The following WDR49 variants were observed in gnomAD, a reference collection of about 807,000 sequenced individuals.
WDR49 encodes WD repeat domain 49, also known as cilia- and flagella-associated protein 337.
In WDR49, 107 loss-of-function variants were observed where a neutral mutation model predicts 119.5. The ratio of observed to expected loss-of-function variants is 0.90; its 90% CI spans 0.77 to 1.05. The LOEUF is 1.05. WDR49 is among the 50% of genes least tolerant of loss of function. The pLI is 0.00. For synonymous variants in WDR49, 425 were observed against 418.8 expected (o/e 1.01, Z -0.18); for missense variants, 1,240 against 1,220.5 (o/e 1.02, Z -0.24).
chr3:167,653,728 G>A (rs1474729317), intron 1 of WDR49, 106 bp downstream of exon 1: 1 of 207,116 alleles, frequency 4.8e-6, no homozygotes, highest in Admixed American at 5.5e-5. Flanking sequence ...GATTAAAAAT[G>A]TGTAAAGCTT....
At chr3:167,503,423 G>T (rs544770183) in intron 17 of WDR49, among the ~76,000 whole-genome samples, 1 of 152,364 alleles carries the variant, frequency 6.6e-6, no homozygotes, top group East Asian at 1.9e-4. Context: ...ATGGTGGTAA[G>T]CCTCTTGTTG....
chr3:167,550,050 T>A (rs1210616760), intron 10 of WDR49, among the ~76,000 whole-genome samples: 1 of 152,046 alleles, frequency 6.6e-6, no homozygotes, highest in African/African-American at 2.4e-5. Context: ...CCCATTGGTC[T>A]ATATCTCTGT....
intron 17 of WDR49, 126 bp downstream of exon 17, chr3:167,505,181 C>A: frequency 8.4e-7 from 1 of 1,196,556 alleles, no homozygotes; most frequent in South Asian, 2.8e-5. Context: ...AAATGGGGTT[C>A]ACAGAACATT....
At chr3:167,554,572 T>G (rs189145248) in intron 10 of WDR49, 78 bp downstream of exon 10, 387 of 877,212 alleles carry the variant, frequency 4.4e-4, no homozygotes, top group Middle Eastern at 2.4e-3. Flanking sequence ...CAAGTTTTAA[T>G]GACACAGAGT....
chr3:167,642,835 T>C (rs1403143584), intron 2 of WDR49, among the ~76,000 whole-genome samples: 1 of 151,740 alleles, frequency 6.6e-6, no homozygotes, highest in Non-Finnish European at 1.5e-5. Context: ...CTTGAAGGGG[T>C]CTCACACTAG....
In WDR49 at chr3:167,556,993, C is replaced by G. The variant is rs192437398; in HGVS notation, c.1675-2195G>C. Among the ~76,000 whole-genome samples, 17 of 152,222 alleles carry G rather than the reference C, an allele frequency of 1.1e-4. No homozygotes were observed. The East Asian group carries it at 3.1e-3, about 28-fold the overall frequency. ...TGAGCTGAGATCATGCCACTGCACTCTAGCCTGAGTGACAGAGTGAGACTC... is the reference window on the plus strand; with the variant it reads ...TGAGCTGAGATCATGCCACTGCACTGTAGCCTGAGTGACAGAGTGAGACTC... On this transcript the variant is annotated intron_variant, in intron 9 of 18. Coordinates refer to ENST00000682715, the MANE Select transcript of WDR49 (RefSeq NM_001366157.1).
intron 7 of WDR49, among the ~76,000 whole-genome samples, chr3:167,578,133 A>G (rs967219147): frequency 1.3e-5 from 2 of 152,166 alleles, no homozygotes; most frequent in Non-Finnish European, 2.9e-5. Context: ...AATGATCCCA[A>G]TTCTTTCAAC....
At chr3:167,594,552 G>C (rs1405783823) in intron 7 of WDR49, among the ~76,000 whole-genome samples, 1 of 152,146 alleles carries the variant, frequency 6.6e-6, no homozygotes, top group South Asian at 2.1e-4. Flanking sequence ...ATTCCAAAGA[G>C]ATAGTCTGAA....
At chr3:167,498,432 G>A (rs994878538) in intron 18 of WDR49, among the ~76,000 whole-genome samples, 5 of 152,134 alleles carry the variant, frequency 3.3e-5, no homozygotes, top group Admixed American at 1.3e-4. Context: ...AGAGGGAAAT[G>A]GCAAATGGCA....
At chr3:167,481,463 G>C (rs956026881) in intron 18 of WDR49, among the ~76,000 whole-genome samples, 1 of 151,542 alleles carries the variant, frequency 6.6e-6, no homozygotes, top group East Asian at 1.9e-4. Context: ...CTAGAATATA[G>C]AAATGAGAAA....
chr3:167,512,872 T>A (rs1253155964), intron 16 of WDR49, among the ~76,000 whole-genome samples: 1 of 152,152 alleles, frequency 6.6e-6, no homozygotes, highest in Non-Finnish European at 1.5e-5. Flanking sequence ...TTGATGACTA[T>A]CTTGCTGAAA....
intron 8 of WDR49, among the ~76,000 whole-genome samples, chr3:167,571,264 C>T (rs1713922287): frequency 6.6e-6 from 1 of 152,070 alleles, no homozygotes; most frequent in African/African-American, 2.4e-5. Context: ...TGAAAAACCC[C>T]ACAGAGAATC....
At chr3:167,657,146 G>A (rs1718624179), upstream of WDR49, among the ~76,000 whole-genome samples, 1 of 151,878 alleles carries the variant, frequency 6.6e-6, no homozygotes, top group Non-Finnish European at 1.5e-5. Flanking sequence ...TATTATTTAA[G>A]GACTACTTTT....
chr3:167,566,658 A>C (rs1374858275), intron 8 of WDR49, among the ~76,000 whole-genome samples: 1 of 152,176 alleles, frequency 6.6e-6, no homozygotes, highest in Non-Finnish European at 1.5e-5. Flanking sequence ...TCCCAAAAAA[A>C]CTTAAGTACT....
At position 167,528,528 on chromosome 3, in the gene WDR49, T is replaced by TAAATAAAATA. The variant is rs10675052; in HGVS notation, c.2406+514_2407-512dup. Among the ~76,000 whole-genome samples, 1,462 of 148,028 alleles carry TAAATAAAATA rather than the reference T, an allele frequency of 9.9e-3. 20 individuals carry two copies. Among genetic ancestry groups the TAAATAAAATA allele is most frequent in the East Asian group, 0.035 (175 of 5,026 alleles). On this transcript the variant is annotated intron_variant, in intron 14 of 18. Coordinates refer to ENST00000682715, the MANE Select transcript of WDR49 (RefSeq NM_001366157.1). ...GACCCTGTCTCTACAAAAAGTAAAA[T>TAAATAAAATA]AAATAAAATAAAATAAAATAAAATA... is the stretch of plus-strand genomic sequence containing the variant.
intron 16 of WDR49, among the ~76,000 whole-genome samples, chr3:167,515,794 T>C (rs539594320): frequency 2.0e-5 from 3 of 152,138 alleles, no homozygotes; most frequent in Admixed American, 1.3e-4. Context: ...AGACTCAGGA[T>C]ACAAAAACAA....
At chr3:167,562,317 CAACT>C (rs796500197) in intron 8 of WDR49, among the ~76,000 whole-genome samples, 4 of 152,214 alleles carry the variant, frequency 2.6e-5, no homozygotes, top group African/African-American at 9.6e-5. Context: ...AAGAGATTCT[CAACT>C]AACAAAATAG....
intron 16 of WDR49, among the ~76,000 whole-genome samples, chr3:167,521,995 TAGATAGATAGATAGATAGATAGA>T (rs1752460632): frequency 6.9e-6 from 1 of 144,688 alleles, no homozygotes; most frequent in African/African-American, 2.5e-5. Flanking sequence ...GATAGATAGA[TAGATAGATAGATAGATAGATAGA>T]TTGTTTTTGA....
chr3:167,490,367 G>A (rs1751088620), intron 18 of WDR49, among the ~76,000 whole-genome samples: 1 of 152,088 alleles, frequency 6.6e-6, no homozygotes, highest in Non-Finnish European at 1.5e-5. Flanking sequence ...AGAGCAATAG[G>A]AAGGATTTCT....
Sources: gnomAD v4.1 joint callset for allele counts (sites outside exome capture counted in the v4.1 genomes callset) on GRCh38, gnomAD v4.1.1 for gene constraint, MANE v1.5 for transcripts, NCBI Gene and HGNC (gene_info 2026-07-23, HGNC 2026-07-21) for gene names.